TTC39C: variants seen among roughly 807,000 people sequenced by gnomAD.
The protein encoded by TTC39C is tetratricopeptide repeat protein 39C.
In TTC39C, 33 loss-of-function variants were observed where a neutral mutation model predicts 76.3. The observed-to-expected ratio is 0.43, with a 90% CI of 0.33 to 0.58. The LOEUF is 0.58. Ranked by LOEUF, TTC39C falls within the 20% of genes least tolerant of loss-of-function variation. The pLI is 0.04. For missense variants in TTC39C, 595 were observed against 701.4 expected, an observed-to-expected ratio of 0.85 and a Z score of 1.71; for synonymous variants, 254 against 260.6, an observed-to-expected ratio of 0.97 and a Z score of 0.24.
chr18:24,018,984 C>T (rs769312723), intron 1 of TTC39C, among the ~76,000 whole-genome samples: 1 of 152,178 alleles, frequency 6.6e-6, no homozygotes, highest in Non-Finnish European at 1.5e-5. Context: ...TCACCATGAC[C>T]ATTGTCCACA....
At chr18:24,100,702 T>C (rs1273239183) in intron 6 of TTC39C, among the ~76,000 whole-genome samples, 1 of 152,256 alleles carries the variant, frequency 6.6e-6, no homozygotes, top group Admixed American at 6.5e-5. Context: ...TAGCTTTGGC[T>C]CTGCCATAAA....
intron 6 of TTC39C, among the ~76,000 whole-genome samples, chr18:24,090,291 A>G (rs2084500443): frequency 6.6e-6 from 1 of 152,212 alleles, no homozygotes; most frequent in Non-Finnish European, 1.5e-5. Context: ...AGGTCTATAA[A>G]CAGCTCTGTG....
upstream of TTC39C, among the ~76,000 whole-genome samples, chr18:24,012,566 A>G (rs2083401539): frequency 6.6e-6 from 1 of 152,146 alleles, no homozygotes; most frequent in Admixed American, 6.5e-5. Flanking sequence ...AGTAATAGGG[A>G]CATACAGGAC....
intron 10 of TTC39C, among the ~76,000 whole-genome samples, chr18:24,127,620 G>A (rs1386007586): frequency 1.3e-5 from 2 of 152,180 alleles, no homozygotes; most frequent in African/African-American, 4.8e-5. Context: ...TGGCTCAAGC[G>A]ATCCTCCAAC....
At chr18:24,037,015 TTTTA>T (rs1383621575) in intron 1 of TTC39C, among the ~76,000 whole-genome samples, 30 of 152,196 alleles carry the variant, frequency 2.0e-4, no homozygotes, top group African/African-American at 6.5e-4. Flanking sequence ...TTGGGATGCT[TTTTA>T]TTTCTTTTCC....
chr18:24,017,216 C>T (rs954022127), intron 1 of TTC39C, among the ~76,000 whole-genome samples: 1 of 152,134 alleles, frequency 6.6e-6, no homozygotes, highest in Admixed American at 6.5e-5. Context: ...ACAATCATTG[C>T]GTTCTTCCCC....
chr18:24,093,404 A>G (rs891020485), intron 6 of TTC39C, among the ~76,000 whole-genome samples: 5 of 151,300 alleles, frequency 3.3e-5, no homozygotes, highest in African/African-American at 9.7e-5. Context: ...GCGTGAACCC[A>G]GGAGGCAGAG....
chr18:24,040,293 C>G (rs2083777282), intron 1 of TTC39C, among the ~76,000 whole-genome samples: 1 of 152,186 alleles, frequency 6.6e-6, no homozygotes, highest in Non-Finnish European at 1.5e-5. Context: ...TAAGCCGCAT[C>G]TATAATATAT....
At chr18:24,003,613 T>C (rs958552019) in intron 1 of TTC39C, among the ~76,000 whole-genome samples, 1 of 152,192 alleles carries the variant, frequency 6.6e-6, no homozygotes, top group African/African-American at 2.4e-5. Flanking sequence ...TCTATCATTC[T>C]TTGAGTGAAC....
intron 1 of TTC39C, among the ~76,000 whole-genome samples, chr18:24,041,023 C>G (rs186857730): frequency 6.6e-6 from 1 of 151,984 alleles, no homozygotes; most frequent in East Asian, 1.9e-4. Flanking sequence ...AGTAGTGAAA[C>G]GAAGTGGATT....
At chr18:24,062,102 T>C (rs1439338805) in intron 1 of TTC39C, among the ~76,000 whole-genome samples, 1 of 151,840 alleles carries the variant, frequency 6.6e-6, no homozygotes, top group Non-Finnish European at 1.5e-5. Flanking sequence ...TGGTTTCTTT[T>C]CCCCCCTCTT....
At chr18:24,068,269 C>T in intron 3 of TTC39C, among the ~76,000 whole-genome samples, 1 of 152,154 alleles carries the variant, frequency 6.6e-6, no homozygotes, top group East Asian at 1.9e-4. Flanking sequence ...ACAGAAGCAT[C>T]TTGACATTTT....
intron 3 of TTC39C, among the ~76,000 whole-genome samples, chr18:24,068,458 G>A (rs1487358722): frequency 6.6e-6 from 1 of 152,188 alleles, no homozygotes; most frequent in East Asian, 1.9e-4. Flanking sequence ...GCATATTAAA[G>A]CTATTTAACT....
intron 1 of TTC39C, among the ~76,000 whole-genome samples, chr18:24,026,617 T>G (rs2083603052): frequency 6.6e-6 from 1 of 152,210 alleles, no homozygotes; most frequent in Admixed American, 6.5e-5. Flanking sequence ...CAGCCTGTTT[T>G]ACATGCTCAG....
chr18:24,118,543 T>G (rs1157782542), intron 8 of TTC39C, among the ~76,000 whole-genome samples: 1 of 152,204 alleles, frequency 6.6e-6, no homozygotes, highest in Non-Finnish European at 1.5e-5. Flanking sequence ...TACTGTATAT[T>G]TTGCCCTAAG....
chr18:24,094,700 CT>C (rs1375161112), intron 6 of TTC39C, among the ~76,000 whole-genome samples: 1 of 152,214 alleles, frequency 6.6e-6, no homozygotes. Context: ...TGAAAGGAAT[CT>C]TTTTTATTCT....
chr18:24,065,027 G>A (rs1396205040), intron 2 of TTC39C, among the ~76,000 whole-genome samples: 1 of 152,206 alleles, frequency 6.6e-6, no homozygotes, highest in Non-Finnish European at 1.5e-5. Flanking sequence ...TGTAACATTA[G>A]TACCCAAGTG....
chr18:23,996,815 T>C (rs1423576910), intron 1 of TTC39C, among the ~76,000 whole-genome samples: 1 of 152,178 alleles, frequency 6.6e-6, no homozygotes, highest in Admixed American at 6.5e-5. Flanking sequence ...GCCTTCCTAT[T>C]AAGAAATCAG....
chr18:24,078,621 A>G (rs151035796), intron 4 of TTC39C, among the ~76,000 whole-genome samples: 193 of 152,350 alleles, frequency 1.3e-3, no homozygotes, highest in African/African-American at 4.5e-3. Flanking sequence ...AGGGAGTCAC[A>G]CAGGATGTGC....
Sources: gnomAD v4.1 joint callset for allele counts (sites outside exome capture counted in the v4.1 genomes callset) on GRCh38, gnomAD v4.1.1 for gene constraint, MANE v1.5 for transcripts, NCBI Gene and HGNC (gene_info 2026-07-23, HGNC 2026-07-21) for gene names.